The following CSMD1 variants were observed in gnomAD, a reference collection of about 807,000 sequenced individuals.
CSMD1 encodes CUB and Sushi multiple domains 1.
In CSMD1, 213 loss-of-function variants were observed where a neutral mutation model predicts 417.5. The ratio of observed to expected loss-of-function variants is 0.51; its 90% CI spans 0.46 to 0.57. The LOEUF is 0.57. CSMD1 is among the 20% of genes least tolerant of loss of function. CSMD1 has a pLI of 0.00. For missense variants in CSMD1, 6,923 were observed against 4,529.7 expected, an observed-to-expected ratio of 1.53 and a Z score of -15.17; for synonymous variants, 2,862 against 1,736.8, an observed-to-expected ratio of 1.65 and a Z score of -16.11.
At chr8:4,391,906 G>A (rs567114057) in intron 3 of CSMD1, among the ~76,000 whole-genome samples, 86 of 152,284 alleles carry the variant, frequency 5.6e-4, no homozygotes, top group Non-Finnish European at 1.1e-3. Flanking sequence ...CTTTTCAGAT[G>A]TCTTAGAACC....
chr8:4,661,210 C>A (rs916927532), intron 1 of CSMD1, among the ~76,000 whole-genome samples: 1 of 152,130 alleles, frequency 6.6e-6, no homozygotes. Context: ...ACTGAAACAG[C>A]CCAGATGTCC....
At chr8:4,599,049 G>A (rs1384833685) in intron 2 of CSMD1, among the ~76,000 whole-genome samples, 1 of 152,076 alleles carries the variant, frequency 6.6e-6, no homozygotes, top group Non-Finnish European at 1.5e-5. Flanking sequence ...TATTTCTAAA[G>A]AATCCACGTA....
At chr8:3,239,949 C>T (rs990293779) in intron 26 of CSMD1, among the ~76,000 whole-genome samples, 1 of 151,576 alleles carries the variant, frequency 6.6e-6, no homozygotes, top group African/African-American at 2.4e-5. Flanking sequence ...GTGAATACAG[C>T]TGAAGGAGCC....
intron 2 of CSMD1, among the ~76,000 whole-genome samples, chr8:4,589,042 A>G (rs1799854468): frequency 6.6e-6 from 1 of 152,288 alleles, no homozygotes. Flanking sequence ...CATGCACATT[A>G]TATAATGTGT....
chr8:4,762,054 A>T (rs1812145344), intron 1 of CSMD1, among the ~76,000 whole-genome samples: 1 of 152,080 alleles, frequency 6.6e-6, no homozygotes, highest in African/African-American at 2.4e-5. Context: ...GATTAAGACC[A>T]AATAAGTCTC....
chr8:4,853,574 G>C (rs1177413864), intron 1 of CSMD1, among the ~76,000 whole-genome samples: 2 of 152,186 alleles, frequency 1.3e-5, no homozygotes, highest in East Asian at 3.9e-4. Context: ...CACAAAGGTA[G>C]AGTCCCACAC....
At chr8:3,426,475 G>A (rs1048901212) in intron 12 of CSMD1, among the ~76,000 whole-genome samples, 4 of 152,050 alleles carry the variant, frequency 2.6e-5, no homozygotes, top group African/African-American at 9.7e-5. Flanking sequence ...AAAGGAAGCT[G>A]GAGACTGTCC....
At chr8:3,031,441 G>T (rs891053087) in intron 50 of CSMD1, among the ~76,000 whole-genome samples, 6 of 151,912 alleles carry the variant, frequency 3.9e-5, no homozygotes, top group Non-Finnish European at 5.9e-5. Flanking sequence ...TTGTGCACAT[G>T]TACCCTAAAA....
At chr8:4,643,824 G>A (rs962101014) in intron 1 of CSMD1, among the ~76,000 whole-genome samples, 10 of 152,306 alleles carry the variant, frequency 6.6e-5, no homozygotes, top group Admixed American at 5.9e-4. Flanking sequence ...TTAAAGTGCC[G>A]TTCCGGGGAC....
chr8:4,962,030 C>T (rs1210761522), intron 1 of CSMD1, among the ~76,000 whole-genome samples: 1 of 151,660 alleles, frequency 6.6e-6, no homozygotes, highest in Non-Finnish European at 1.5e-5. Flanking sequence ...TTAGTAATAA[C>T]TTTGGGAAGG....
intron 7 of CSMD1, among the ~76,000 whole-genome samples, chr8:3,674,112 CA>C (rs376142024): frequency 2.7e-5 from 4 of 147,606 alleles, no homozygotes; most frequent in Admixed American, 6.8e-5. Context: ...TCTCAAAAGA[CA>C]AAAAAAATCT....
At chr8:3,950,646 G>C (rs1343158459) in intron 5 of CSMD1, among the ~76,000 whole-genome samples, 4 of 152,160 alleles carry the variant, frequency 2.6e-5, no homozygotes, top group African/African-American at 7.2e-5. Flanking sequence ...TTTTCTTCAT[G>C]ATGGTTAAAA....
intron 6 of CSMD1, among the ~76,000 whole-genome samples, chr8:3,727,138 C>G (rs1358774251): frequency 6.6e-6 from 1 of 152,162 alleles, no homozygotes; most frequent in African/African-American, 2.4e-5. Flanking sequence ...TGATATTAAA[C>G]ATGGTTAAAA....
At chr8:4,762,202 T>G (rs897826) in intron 1 of CSMD1, among the ~76,000 whole-genome samples, 14,433 of 152,146 alleles carry the variant, frequency 0.095, 852 homozygotes, top group Non-Finnish European at 0.13. Flanking sequence ...ATAATTGTTG[T>G]GCTAAAATCA....
chr8:4,962,952 G>A (rs1189404857), intron 1 of CSMD1, among the ~76,000 whole-genome samples: 1 of 152,092 alleles, frequency 6.6e-6, no homozygotes, highest in African/African-American at 2.4e-5. Context: ...GGAGAACATG[G>A]GTTGGCGCTG....
In CSMD1 at chr8:3,674,786, C is replaced by T. The variant is rs181607227; in HGVS notation, c.1009+33628G>A. On this transcript the variant is annotated intron_variant, in intron 7 of 69. Coordinates refer to ENST00000635120, the MANE Select transcript of CSMD1 (RefSeq NM_033225.6). ...AAAAATGAAAGGTAACTATAGTTTT[C>T]AAAGAGGTGAAACCAATTCCAAATG... Among the ~76,000 whole-genome samples the T allele has an allele frequency of 5.3e-5, 8 of 152,244 alleles. No individual in the cohort carries two copies. In the East Asian group the frequency reaches 1.4e-3, roughly 26 times the overall value.
intron 3 of CSMD1, among the ~76,000 whole-genome samples, chr8:4,169,651 T>A (rs1181395154): frequency 6.6e-6 from 1 of 152,112 alleles, no homozygotes; most frequent in Non-Finnish European, 1.5e-5. Context: ...AGGGACGCCA[T>A]GAGAGCCAAC....
intron 5 of CSMD1, among the ~76,000 whole-genome samples, chr8:3,843,560 G>A (rs1000543534): frequency 6.6e-6 from 1 of 152,034 alleles, no homozygotes; most frequent in African/African-American, 2.4e-5. Flanking sequence ...AGTTATTCAC[G>A]ATGCTTTTAT....
intron 2 of CSMD1, among the ~76,000 whole-genome samples, chr8:4,575,679 G>A (rs1799103872): frequency 6.6e-6 from 1 of 152,108 alleles, no homozygotes; most frequent in South Asian, 2.1e-4. Context: ...CTAAATACAG[G>A]CAACATTTTG....
Sources: allele counts gnomAD v4.1 joint callset (sites outside exome capture counted in the v4.1 genomes callset), GRCh38; gene constraint gnomAD v4.1.1; transcripts MANE v1.5; gene names NCBI Gene and HGNC (gene_info 2026-07-23, HGNC 2026-07-21).